The following GNG2 variants were observed in gnomAD, a reference collection of about 807,000 sequenced individuals.
GNG2 encodes G protein subunit gamma 2.
Under a neutral mutation model 5.5 loss-of-function variants are expected in GNG2, and 5 were observed. The observed-to-expected ratio is 0.91, with a 90% CI of 0.48 to 1.92. The LOEUF (loss-of-function observed/expected upper bound fraction) is 1.92, where lower values mean the gene tolerates loss of function less well. Among genes scored for constraint, GNG2 ranks in the 30% most tolerant of loss-of-function variants. GNG2 has a pLI of 0.01. For missense variants in GNG2, 55 were observed against 88.4 expected (o/e 0.62, Z 1.52); for synonymous variants, 28 against 32.0 (o/e 0.88, Z 0.42).
chr14:51,864,380 T>C lies in GNG2; in HGVS notation c.-71+3590T>C, dbSNP rs138251821. Among the ~76,000 whole-genome samples, 706 of 152,318 alleles carry C rather than the reference T, an allele frequency of 4.6e-3. 5 individuals are homozygous for C. The highest frequency in any genetic ancestry group is 0.016 in the African/African-American group (659 of 41,564). On this transcript the variant is annotated intron_variant, in intron 1 of 3. Coordinates refer to ENST00000556766, the MANE Select transcript of GNG2 (RefSeq NM_053064.5). ...CCAGAAATACTGTGTTGAGAATATT[T>C]GCAAATTTTTAATCAAATTTTTGAA... is the stretch of plus-strand genomic sequence containing the variant.
intron 2 of GNG2, among the ~76,000 whole-genome samples, chr14:51,886,869 A>G (rs1198449429): frequency 6.6e-6 from 1 of 152,240 alleles, no homozygotes; most frequent in Non-Finnish European, 1.5e-5. Flanking sequence ...TTCCTGGGGT[A>G]TAAGCCAGGT....
chr14:51,886,967 T>G (rs1490981447), intron 2 of GNG2, among the ~76,000 whole-genome samples: 1 of 152,226 alleles, frequency 6.6e-6, no homozygotes, highest in Non-Finnish European at 1.5e-5. Context: ...CATGAAGGAA[T>G]GGCAGTATTT....
chr14:51,866,400 G>A (rs8005555), intron 1 of GNG2, among the ~76,000 whole-genome samples: 136,547 of 152,048 alleles, frequency 0.9, 61,285 homozygotes, highest in East Asian at 1. Context: ...TACTGCCTTT[G>A]TGCGTTAGAA....
intron 2 of GNG2, among the ~76,000 whole-genome samples, chr14:51,919,581 G>A (rs931866800): frequency 6.6e-6 from 1 of 152,164 alleles, no homozygotes; most frequent in Admixed American, 6.5e-5. Flanking sequence ...TTTTTCCTTA[G>A]TTTGATGATT....
At chr14:51,868,261 C>CA (rs57769006) in intron 1 of GNG2, among the ~76,000 whole-genome samples, 2,109 of 152,248 alleles carry the variant, frequency 0.014, 57 homozygotes, top group African/African-American at 0.049. Context: ...GAGAGAGACT[C>CA]AGTAAACACA....
chr14:51,867,748 G>A (rs1008445818), intron 1 of GNG2, among the ~76,000 whole-genome samples: 3 of 152,084 alleles, frequency 2.0e-5, no homozygotes, highest in African/African-American at 7.3e-5. Flanking sequence ...CATCTGTCCT[G>A]TAAAGCTCAG....
At chr14:51,913,373 G>A (rs1886405960) in intron 2 of GNG2, 1 of 152,254 alleles carries the variant, frequency 6.6e-6, no homozygotes, top group South Asian at 2.1e-4. Flanking sequence ...AAATTAGCCA[G>A]TGTGGTGGCT....
At chr14:51,947,993 C>T (rs1450901446) in intron 2 of GNG2, among the ~76,000 whole-genome samples, 1 of 152,236 alleles carries the variant, frequency 6.6e-6, no homozygotes, top group Non-Finnish European at 1.5e-5. Flanking sequence ...GACCCAGATC[C>T]TTCCTGTTCA....
chr14:51,950,760 A>G lies in GNG2; in HGVS notation c.82A>G (p.Ile28Val), dbSNP rs760453739. Residue 28 changes from isoleucine to valine, a missense_variant, in exon 3 of 4, where the codon ATA becomes GTA. Transcript: ENST00000556766. ...QLKMEANIDR[I>V]KVSKAAADLM... ...TAAGATGGAAGCCAATATCGACAGG[A>G]TAAAGGTGAGGATGGTCTAACCCCA... 3.1e-6 allele frequency: 5 copies of G among 1,599,794 alleles called. No individual in the cohort carries two copies. In the South Asian group the frequency reaches 5.6e-5, roughly 18 times the overall value.
chr14:51,932,277 AGAAAAT>A (rs1887715453), intron 2 of GNG2, among the ~76,000 whole-genome samples: 1 of 146,380 alleles, frequency 6.8e-6, no homozygotes, highest in African/African-American at 2.5e-5. Flanking sequence ...AAAAAAGAAA[AGAAAAT>A]ATGGTATATA....
chr14:51,844,368 A>G (rs2140079697), intron 2 of GNG2, among the ~76,000 whole-genome samples: 1 of 152,268 alleles, frequency 6.6e-6, no homozygotes, highest in South Asian at 2.1e-4. Flanking sequence ...TAGGCTGGGT[A>G]GGGGGCAGAT....
chr14:51,903,756 A>T (rs1027411012), intron 2 of GNG2, among the ~76,000 whole-genome samples: 2 of 152,194 alleles, frequency 1.3e-5, no homozygotes, highest in African/African-American at 4.8e-5. Context: ...GATGTACTCA[A>T]TATTTTCCCT....
chr14:51,963,009 A>G (rs1478994277), intron 3 of GNG2, among the ~76,000 whole-genome samples: 1 of 152,236 alleles, frequency 6.6e-6, no homozygotes, highest in Admixed American at 6.5e-5. Flanking sequence ...GATGAGAATG[A>G]TAATAGCTTG....
intron 2 of GNG2, among the ~76,000 whole-genome samples, chr14:51,930,514 T>A (rs1887593865): frequency 6.6e-6 from 1 of 152,240 alleles, no homozygotes; most frequent in Admixed American, 6.5e-5. Context: ...CTTGGTCACG[T>A]CACCTGATCT....
At chr14:51,859,416 A>C (rs905327011), upstream of GNG2, among the ~76,000 whole-genome samples, 1 of 152,214 alleles carries the variant, frequency 6.6e-6, no homozygotes, top group Non-Finnish European at 1.5e-5. Context: ...GGAATTGGAA[A>C]ACCAAGTACT....
chr14:51,924,921 C>G (rs909370060), intron 2 of GNG2, among the ~76,000 whole-genome samples: 1 of 152,238 alleles, frequency 6.6e-6, no homozygotes, highest in Non-Finnish European at 1.5e-5. Context: ...GGGCACTATT[C>G]TAAGCACTGG....
At chr14:51,911,632 C>CTT (rs1555353897) in intron 2 of GNG2, among the ~76,000 whole-genome samples, 1 of 151,168 alleles carries the variant, frequency 6.6e-6, no homozygotes, top group Non-Finnish European at 1.5e-5. Context: ...TAACCTCTAA[C>CTT]TCTTGGGCTC....
In GNG2 at chr14:51,845,289, G is replaced by C. The variant is rs1881591844; in HGVS notation, c.64+17482G>C. ...GTGGATTGCTTGAGCCCAGGAGTTT[G>C]AGACCAACCCGAGCAACACGGCGAA... On this transcript the variant is annotated intron_variant, in intron 2 of 3. Transcript: ENST00000553432. Among the ~76,000 whole-genome samples the C allele has an allele frequency of 2.6e-5, 4 of 152,172 alleles. No individual in the cohort carries two copies. In the East Asian group the frequency reaches 7.7e-4, roughly 29 times the overall value.
intron 2 of GNG2, among the ~76,000 whole-genome samples, chr14:51,886,730 C>T (rs1884483300): frequency 6.6e-6 from 1 of 152,096 alleles, no homozygotes; most frequent in Non-Finnish European, 1.5e-5. Flanking sequence ...CAGGCAGAGA[C>T]CCCAGGAAAC....
Sources: allele counts gnomAD v4.1 joint callset (sites outside exome capture counted in the v4.1 genomes callset), GRCh38; gene constraint gnomAD v4.1.1; transcripts MANE v1.5; gene names NCBI Gene and HGNC (gene_info 2026-07-23, HGNC 2026-07-21).